The following SNAI2 variants were observed in gnomAD, a reference collection of about 807,000 sequenced individuals.
SNAI2 encodes zinc finger protein SNAI2.
Under a neutral mutation model 22.4 loss-of-function variants are expected in SNAI2, and 2 were observed. That is an observed-to-expected ratio of 0.09 (90% CI 0.04 to 0.28). The LOEUF is 0.28. Among genes scored for constraint, SNAI2 ranks in the 10% least tolerant of loss-of-function variants. The pLI, the probability that SNAI2 is intolerant of heterozygous loss-of-function variation, is 1.00. For missense variants in SNAI2, 239 were observed against 320.8 expected (o/e 0.75, Z 1.95); for synonymous variants, 134 against 123.0 (o/e 1.09, Z -0.59).
In SNAI2 at chr8:48,918,795, TG is replaced by T; in HGVS notation, c.*11del. 1 of 1,613,850 alleles carries T rather than the reference TG, an allele frequency of 6.2e-7. No individual in the cohort carries two copies. ...AAATGCATTCTGTTCGAGTAAACAT[TG>T]ATTGCGTCACTCAGTGTGCTACACA... On this transcript the variant is annotated 3_prime_UTR_variant, in exon 3 of 3. Coordinates refer to ENST00000020945, the MANE Select transcript of SNAI2 (RefSeq NM_003068.5).
In SNAI2 at chr8:48,920,427, A is replaced by T. The variant is rs1010772676; in HGVS notation, c.94T>A (p.Tyr32Asn). ...LDTHTVIISPYLYESYSMPVI... is the reference protein window; with the variant it reads ...LDTHTVIISPNLYESYSMPVI... ...GGCATGGAGTAACTCTCATAGAGAT[A>T]CGGGGAAATAATCACTGGGAAAGAA... The change falls in exon 2 of 3, where the codon TAT becomes AAT. Residue 32 changes from tyrosine (Y) to asparagine (N), a missense_variant. By Grantham distance (143) the Tyr-to-Asn change is moderately radical. Around this residue, in one of 3 missense-constraint regions of SNAI2, gnomAD observed 183 missense variants for 190.4 expected, o/e 0.96. Coordinates refer to ENST00000020945, the MANE Select transcript of SNAI2 (RefSeq NM_003068.5). The T allele has an allele frequency of 5.6e-6, 9 of 1,613,962 alleles. No homozygotes were observed. Among genetic ancestry groups the T allele is most frequent in the Non-Finnish European group, 7.6e-6 (9 of 1,179,922 alleles).
In SNAI2 at chr8:48,917,862, A is replaced by AT. The variant is rs1307033840; in HGVS notation, c.*944dup. On this transcript the variant is annotated 3_prime_UTR_variant, in exon 3 of 3. Coordinates refer to ENST00000020945, the MANE Select transcript of SNAI2 (RefSeq NM_003068.5). ...ACAAGTCTTCAGGTTGTTTATAGAC[A>AT]TAGCTATAGACAACATCTCAGTTTC... 3 of 152,204 alleles carry AT rather than the reference A, an allele frequency of 2.0e-5. No individual in the cohort carries two copies. The highest frequency in any genetic ancestry group is 4.4e-5 in the Non-Finnish European group (3 of 68,018). The allele number at this position is 152,204 out of a possible 1,614,324, so 9.4% of individuals were successfully genotyped here.
rs1216605572 is a variant in SNAI2, at chr8:48,918,506, A to G, written c.*301T>C. 1.6e-5 allele frequency: 6 copies of G among 375,426 alleles called. No homozygotes were observed. The highest frequency in any genetic ancestry group is 2.9e-5 in the Non-Finnish European group (6 of 203,650). 23.3% of individuals were successfully genotyped at this position (375,426 alleles called of 1,614,324 possible). A position where few individuals can be genotyped will look rare whatever the true frequency, so the allele number is the denominator to read the frequency against. ...CATTTTTTTAGGAAGAAAAGATGCA[A>G]TGTGCTTTTCATTTTATCTTTGAAG... On this transcript the variant is annotated 3_prime_UTR_variant, in exon 3 of 3. Transcript: ENST00000020945.
Position 48,918,832 on chromosome 8 carries a change from T to C in SNAI2, c.782A>G (p.Glu261Gly), listed in dbSNP as rs932078973. 2.5e-6 allele frequency: 4 copies of C among 1,614,046 alleles called. No homozygotes were observed. The Admixed American group carries it at 6.7e-5, about 27-fold the overall frequency. Residue 261 changes from glutamate (E) to glycine (G), a missense_variant, in exon 3 of 3, where the codon GAA (glutamate) becomes GGA (glycine). Coordinates refer to ENST00000020945, the MANE Select transcript of SNAI2 (RefSeq NM_003068.5). Reference protein sequence around the residue: ...SRMSLLHKHEESGCCVAH With the variant: ...SRMSLLHKHEGSGCCVAH ...TCAGTGTGCTACACAGCAGCCAGATTCCTCATGTTTGTGCAGGAGAGACAT... is the reference window on the plus strand; with the variant it reads ...TCAGTGTGCTACACAGCAGCCAGATCCCTCATGTTTGTGCAGGAGAGACAT...
rs1262912652 is a variant in SNAI2 at position 48,918,966 on chromosome 8, A to G, written c.648T>C (p.Pro216=). The G allele has an allele frequency of 1.2e-6, 2 of 1,614,004 alleles. No individual in the cohort carries two copies. Among genetic ancestry groups the G allele is most frequent in the South Asian group, 2.2e-5 (2 of 91,070 alleles). ...THTGEKPFSC[P]HCNRAFADRS... Reference sequence around the variant, plus strand: ...TGTCTGCAAATGCTCTGTTGCAGTGAGGGCAAGAAAAAGGCTTCTCCCCTG... The same window carrying G: ...TGTCTGCAAATGCTCTGTTGCAGTGGGGGCAAGAAAAAGGCTTCTCCCCTG... The change falls in exon 3 of 3, where the codon CCT becomes CCC. Residue 216 remains proline, a synonymous_variant. Coordinates refer to ENST00000020945, the MANE Select transcript of SNAI2 (RefSeq NM_003068.5).
In SNAI2 at chr8:48,918,677, G is replaced by A. The variant is rs1428851999; in HGVS notation, c.*130C>T. The A allele has an allele frequency of 2.6e-6, 2 of 769,566 alleles. No homozygotes were observed. Among genetic ancestry groups the A allele is most frequent in the East Asian group, 2.5e-5 (1 of 39,758 alleles). 47.7% of individuals were successfully genotyped at this position (769,566 alleles called of 1,614,324 possible). ...TCTGTGGGTGTGTGTGTGTGTGTGTGCATATGTGTGTGTGTCTATACATAT... is the reference window on the plus strand; with the variant it reads ...TCTGTGGGTGTGTGTGTGTGTGTGTACATATGTGTGTGTGTCTATACATAT... On this transcript the variant is annotated 3_prime_UTR_variant, in exon 3 of 3. Transcript: ENST00000020945.
Position 48,921,325 on chromosome 8 carries a change from G to C in SNAI2, c.-60C>G. The C allele has an allele frequency of 1.5e-6, 2 of 1,314,174 alleles. No individual in the cohort carries two copies. The highest frequency in any genetic ancestry group is 1.1e-6 in the Non-Finnish European group (1 of 916,020). 81.4% of individuals were successfully genotyped at this position (1,314,174 alleles called of 1,614,324 possible). A position where few individuals can be genotyped will look rare whatever the true frequency, so the allele number is the denominator to read the frequency against. ...TAACGGTCCGGCGGGAGGACACGGC[G>C]GTCCCTACAGCATCGCGGCGGGCCA... On this transcript the variant is annotated 5_prime_UTR_variant, in exon 1 of 3. Coordinates refer to ENST00000020945, the MANE Select transcript of SNAI2 (RefSeq NM_003068.5).
At chr8:48,920,668 G>A (rs1806149558) in intron 1 of SNAI2, among the ~76,000 whole-genome samples, 3 of 152,148 alleles carry the variant, frequency 2.0e-5, no homozygotes. Context: ...ACAGCTGCAC[G>A]GAGCTATAGG....
rs576060545 is a variant in SNAI2, at chr8:48,921,367, G to C, written c.-102C>G. 5.6e-6 allele frequency: 5 copies of C among 886,522 alleles called. No homozygotes were observed. The highest frequency in any genetic ancestry group is 4.9e-5 in the African/African-American group (3 of 61,206). 54.9% of individuals were successfully genotyped at this position (886,522 alleles called of 1,614,324 possible). A position where few individuals can be genotyped will look rare whatever the true frequency, so the allele number is the denominator to read the frequency against. On this transcript the variant is annotated 5_prime_UTR_variant, in exon 1 of 3. Coordinates refer to ENST00000020945, the MANE Select transcript of SNAI2 (RefSeq NM_003068.5). ...GGCGGGCCAGGCTCGGGCAGGGGCCGTGCTCAGGTGCGGCAGACGGACGGG... is the reference window on the plus strand; with the variant it reads ...GGCGGGCCAGGCTCGGGCAGGGGCCCTGCTCAGGTGCGGCAGACGGACGGG...
rs760317579 is a variant in SNAI2 at position 48,918,846 on chromosome 8, C to T, written c.768G>A (p.Leu256=). The change falls in exon 3 of 3, where the codon CTG becomes CTA. Residue 256 remains leucine, a synonymous_variant. Transcript: ENST00000020945. ...AGCAGCCAGATTCCTCATGTTTGTG[C>T]AGGAGAGACATTCTGGAGAAGGTTT... The part of the protein sequence containing the change: ...CSKTFSRMSL[L]HKHEESGCCV... 2 of 1,613,998 alleles carry T rather than the reference C, an allele frequency of 1.2e-6. No homozygotes were observed. Among genetic ancestry groups the T allele is most frequent in the Non-Finnish European group, 1.7e-6 (2 of 1,180,016 alleles).
intron 1 of SNAI2, among the ~76,000 whole-genome samples, 165 bp from the exon 2 acceptor site, chr8:48,920,606 A>G (rs1806148354): frequency 6.6e-6 from 1 of 152,196 alleles, no homozygotes; most frequent in Non-Finnish European, 1.5e-5. Flanking sequence ...AAAATGTTTC[A>G]TTTCCACCCT....
Position 48,921,386 on chromosome 8 carries a change from G to C in SNAI2, c.-121C>G, listed in dbSNP as rs377272066. On this transcript the variant is annotated 5_prime_UTR_variant, in exon 1 of 3. Coordinates refer to ENST00000020945, the MANE Select transcript of SNAI2 (RefSeq NM_003068.5). The stretch of plus-strand genomic sequence containing the variant: ...GGGGCCGTGCTCAGGTGCGGCAGAC[G>C]GACGGGCCGGCGCCTCTGAAGTCAC... The C allele has an allele frequency of 6.4e-6, 5 of 778,882 alleles. No homozygotes were observed. The highest frequency in any genetic ancestry group is 5.1e-5 in the African/African-American group (3 of 59,038). The allele number at this position is 778,882 out of a possible 1,614,324, so 48.2% of individuals were successfully genotyped here.
chr8:48,921,053 C>T, intron 1 of SNAI2, 134 bp downstream of exon 1: 1 of 733,306 alleles, frequency 1.4e-6, no homozygotes, highest in Non-Finnish European at 2.4e-6. Flanking sequence ...ATGTAAGCTC[C>T]CTTTCAGGAC....
At position 48,917,785 on chromosome 8, in the gene SNAI2, T is replaced by C. The variant is rs1806100264; in HGVS notation, c.*1022A>G. ...AAACGAGATTTTAAATCAAAACTGTTTATTGTAAAAAAAACTTGAAAATTG... is the reference window on the plus strand; with the variant it reads ...AAACGAGATTTTAAATCAAAACTGTCTATTGTAAAAAAAACTTGAAAATTG... On this transcript the variant is annotated 3_prime_UTR_variant, in exon 3 of 3. Transcript: ENST00000020945. 1 of 152,200 alleles carries C rather than the reference T, an allele frequency of 6.6e-6. No homozygotes were observed. The highest frequency in any genetic ancestry group is 1.5e-5 in the Non-Finnish European group (1 of 68,020). The allele number at this position is 152,200 out of a possible 1,614,324, so 9.4% of individuals were successfully genotyped here.
chr8:48,919,234 G>A (rs1368966291), intron 2 of SNAI2, among the ~76,000 whole-genome samples: 2 of 152,080 alleles, frequency 1.3e-5, no homozygotes, highest in Non-Finnish European at 2.9e-5. Flanking sequence ...AATAATTTAC[G>A]TAGTTCTTGG....
In SNAI2 at chr8:48,921,096, CT is replaced by C. The variant is rs1806155269; in HGVS notation, c.79+90del. ...AAAAGGAAAACAGTTGAATCTTTGG[CT>C]CTTTTGTAATGGTATTTGAAGGGTA... On this transcript the variant is annotated intron_variant, in intron 1 of 2. Coordinates refer to ENST00000020945, the MANE Select transcript of SNAI2 (RefSeq NM_003068.5). The C allele has an allele frequency of 4.2e-6, 4 of 960,548 alleles. No homozygotes were observed. The African/African-American group carries it at 4.8e-5, about 12-fold the overall frequency. 59.5% of individuals were successfully genotyped at this position (960,548 alleles called of 1,614,324 possible). A position where few individuals can be genotyped will look rare whatever the true frequency, so the allele number is the denominator to read the frequency against.
At chr8:48,919,595 G>A (rs1280381729) in intron 2 of SNAI2, among the ~76,000 whole-genome samples, 1 of 152,116 alleles carries the variant, frequency 6.6e-6, no homozygotes, top group East Asian at 1.9e-4. Flanking sequence ...GATTACTGGG[G>A]GCAGTTTCAC....
rs1310779205 is a variant in SNAI2 at position 48,921,180 on chromosome 8, T to A, written c.79+7A>T. The A allele has an allele frequency of 3.7e-6, 6 of 1,604,572 alleles. No homozygotes were observed. The Admixed American group carries it at 1.0e-4, about 27-fold the overall frequency. The stretch of plus-strand genomic sequence containing the variant: ...ACGTAGTTCTAGATATATTTTTCTC[T>A]TTTTACCTGTATGTGTGTCCAGTTC... On this transcript the variant is annotated splice_region_variant and intron_variant, in intron 1 of 2. Transcript: ENST00000020945.
rs1806120182 is a variant in SNAI2 at position 48,918,974 on chromosome 8, A to T, written c.640T>A (p.Ser214Thr). 6.2e-7 allele frequency: 1 copy of T among 1,613,622 alleles called. No homozygotes were observed. ...IRTHTGEKPF[S>T]CPHCNRAFAD... ...AATGCTCTGTTGCAGTGAGGGCAAG[A>T]AAAAGGCTTCTCCCCTGGGGGTGGA... Residue 214 changes from serine to threonine, a missense_variant, in exon 3 of 3, where the codon TCT (serine) becomes ACT (threonine). Ser to Thr is a moderately conservative substitution (Grantham distance 58). Transcript: ENST00000020945.
Sources: gnomAD v4.1 joint callset for allele counts (sites outside exome capture counted in the v4.1 genomes callset) on GRCh38, gnomAD v4.1.1 for gene constraint, gnomAD v4.1.1 regional missense constraint, MANE v1.5 for transcripts, NCBI Gene and HGNC (gene_info 2026-07-23, HGNC 2026-07-21) for gene names.